The following IL1R1 variants were observed in gnomAD, a reference collection of about 807,000 sequenced individuals.
IL1R1 encodes the protein interleukin-1 receptor type 1.
IL1R1 carries 22 observed loss-of-function variants against 50.2 expected under a neutral mutation model. The ratio of observed to expected loss-of-function variants is 0.44; its 90% CI spans 0.31 to 0.63. The LOEUF is 0.63. IL1R1 is among the 20% of genes least tolerant of loss of function. IL1R1 has a pLI of 0.07. For missense variants in IL1R1, 509 were observed against 676.2 expected (o/e 0.75, Z 2.74); for synonymous variants, 251 against 236.7 (o/e 1.06, Z -0.55).
At chr2:102,095,659 G>C (rs1249239847) in intron 1 of IL1R1, among the ~76,000 whole-genome samples, 1 of 152,184 alleles carries the variant, frequency 6.6e-6, no homozygotes, top group Non-Finnish European at 1.5e-5. Context: ...CAGTGTTTCT[G>C]TAGTGTTAGC....
At position 102,176,615 on chromosome 2, in the gene IL1R1, A is replaced by T; in HGVS notation, c.1566A>T (p.Gly522=). Residue 522 remains glycine, a synonymous_variant, in exon 12 of 12, where the codon GGA becomes GGT. Transcript: ENST00000410023. The part of the protein sequence containing the change: ...AIRWSGDFTQ[G]PQSAKTRFWK... ...GCTGGTCAGGGGACTTTACACAGGG[A>T]CCACAGTCTGCAAAGACAAGGTTCT... is the stretch of plus-strand genomic sequence containing the variant. 1 of 1,614,210 alleles carries T rather than the reference A, an allele frequency of 6.2e-7. No homozygotes were observed. Among genetic ancestry groups the T allele is most frequent in the Non-Finnish European group, 8.5e-7 (1 of 1,180,028 alleles).
intron 4 of IL1R1, 24 bp from the exon 5 acceptor site, chr2:102,165,091 C>G (rs751311714): frequency 1.3e-6 from 2 of 1,545,710 alleles, no homozygotes; most frequent in African/African-American, 2.8e-5. Context: ...TAATGCTTAA[C>G]TTACCTATTT....
intron 1 of IL1R1, among the ~76,000 whole-genome samples, chr2:102,077,568 C>T (rs1363800565): frequency 1.3e-5 from 2 of 152,180 alleles, no homozygotes; most frequent in Admixed American, 6.5e-5. Flanking sequence ...TAAATGTTTT[C>T]ATGTCCTTGC....
intron 1 of IL1R1, chr2:102,104,930 T>C (rs1680319973): frequency 6.6e-6 from 1 of 152,190 alleles, no homozygotes; most frequent in Non-Finnish European, 1.5e-5. Context: ...CCCTCCTTTT[T>C]TTGGGTTTAC....
At chr2:102,101,705 A>G (rs1482675659), upstream of IL1R1, among the ~76,000 whole-genome samples, 1 of 152,248 alleles carries the variant, frequency 6.6e-6, no homozygotes, top group African/African-American at 2.4e-5. Flanking sequence ...CCTTTTATGT[A>G]TAAACACAGA....
intron 1 of IL1R1, among the ~76,000 whole-genome samples, chr2:102,082,564 T>C (rs747104451): frequency 4.6e-5 from 7 of 152,204 alleles, no homozygotes; most frequent in Admixed American, 2.0e-4. Flanking sequence ...GCACTTAACA[T>C]GAGGTAGGTG....
At chr2:102,081,042 G>A (rs569497293) in intron 1 of IL1R1, among the ~76,000 whole-genome samples, 1 of 152,240 alleles carries the variant, frequency 6.6e-6, no homozygotes, top group African/African-American at 2.4e-5. Context: ...TATATAGATT[G>A]CCAGGGGCTA....
chr2:102,104,603 C>T (rs1680298796), exon 1 of IL1R1: 2 of 151,940 alleles, frequency 1.3e-5, no homozygotes, highest in South Asian at 4.1e-4. Context: ...GTGACACAGC[C>T]ATCTCCAAAA....
chr2:102,132,513 C>T (rs1386074695), intron 1 of IL1R1, among the ~76,000 whole-genome samples: 1 of 152,072 alleles, frequency 6.6e-6, no homozygotes, highest in Non-Finnish European at 1.5e-5. Flanking sequence ...TGACCATAGC[C>T]TCCACCTTAA....
intron 10 of IL1R1, 82 bp from the exon 11 acceptor site, chr2:102,175,396 G>A (rs1686039247): frequency 2.9e-6 from 3 of 1,024,814 alleles, no homozygotes; most frequent in Non-Finnish European, 4.6e-6. Context: ...AGTTCATTAT[G>A]TAATGAATGT....
intron 3 of IL1R1, among the ~76,000 whole-genome samples, chr2:102,164,220 G>A (rs371860397): frequency 9.2e-5 from 14 of 152,132 alleles, no homozygotes; most frequent in African/African-American, 3.4e-4. Context: ...TAAGTACTTG[G>A]GTACTCTGCC....
Position 102,176,876 on chromosome 2 carries a change from C to T in IL1R1, c.*117C>T. 2 of 940,466 alleles carry T rather than the reference C, an allele frequency of 2.1e-6. No homozygotes were observed. Among genetic ancestry groups the T allele is most frequent in the East Asian group, 2.4e-5 (1 of 41,064 alleles). 58.3% of individuals were successfully genotyped at this position (940,466 alleles called of 1,614,324 possible). On this transcript the variant is annotated 3_prime_UTR_variant, in exon 12 of 12. Transcript: ENST00000410023. ...GAATGTAACTATATCATCCTTTATC[C>T]CTGAGGTCACCTGGAATCAGATTAT...
chr2:102,151,795 C>T (rs546543700), intron 1 of IL1R1, among the ~76,000 whole-genome samples: 12 of 152,292 alleles, frequency 7.9e-5, no homozygotes, highest in African/African-American at 2.9e-4. Context: ...TCAGAAGCTT[C>T]CAGGCTAGGA....
intron 1 of IL1R1, among the ~76,000 whole-genome samples, chr2:102,105,998 T>G (rs1680389775): frequency 6.6e-6 from 1 of 152,182 alleles, no homozygotes; most frequent in South Asian, 2.1e-4. Context: ...GGACTGAACC[T>G]GAAAGATTAA....
At chr2:102,072,417 A>G (rs914591230) in intron 1 of IL1R1, among the ~76,000 whole-genome samples, 1 of 152,232 alleles carries the variant, frequency 6.6e-6, no homozygotes, top group African/African-American at 2.4e-5. Flanking sequence ...AACAGATTTT[A>G]ATAGTTTACA....
At chr2:102,121,045 C>A (rs1681377683) in intron 1 of IL1R1, among the ~76,000 whole-genome samples, 1 of 152,182 alleles carries the variant, frequency 6.6e-6, no homozygotes, top group African/African-American at 2.4e-5. Context: ...TGTTAATCTG[C>A]ATCCTGCAGG....
intron 1 of IL1R1, among the ~76,000 whole-genome samples, chr2:102,082,328 G>T (rs1679247276): frequency 2.0e-5 from 3 of 151,994 alleles, no homozygotes; most frequent in Admixed American, 2.0e-4. Flanking sequence ...CATTTTGTTT[G>T]TTAGAAAAAC....
At position 102,176,676 on chromosome 2, in the gene IL1R1, C is replaced by T. The variant is rs371084247; in HGVS notation, c.1627C>T (p.Arg543Trp). The T allele has an allele frequency of 3.1e-5, 50 of 1,614,092 alleles. No individual in the cohort carries two copies. The highest frequency in any genetic ancestry group is 1.6e-4 in the Middle Eastern group (1 of 6,084). Reference sequence around the variant, plus strand: ...CAGGTACCACATGCCAGTCCAGCGACGGTCACCTTCATCTAAACACCAGTT... The same window carrying T: ...CAGGTACCACATGCCAGTCCAGCGATGGTCACCTTCATCTAAACACCAGTT... The part of the protein sequence containing the change: ...NVRYHMPVQR[R>W]SPSSKHQLLS... Residue 543 changes from arginine (R) to tryptophan (W), a missense_variant, in exon 12 of 12, where the codon CGG becomes TGG. Physicochemically the swap from Arg to Trp is moderately radical, Grantham distance 101. Coordinates refer to ENST00000410023, the MANE Select transcript of IL1R1 (RefSeq NM_000877.4).
intron 1 of IL1R1, among the ~76,000 whole-genome samples, chr2:102,076,604 A>T (rs1052069095): frequency 1.3e-5 from 2 of 152,108 alleles, no homozygotes; most frequent in African/African-American, 4.8e-5. Flanking sequence ...GTCTAGAATT[A>T]TTTCTTTTAG....
Sources: gnomAD v4.1 joint callset for allele counts (sites outside exome capture counted in the v4.1 genomes callset) on GRCh38, gnomAD v4.1.1 for gene constraint, MANE v1.5 for transcripts, NCBI Gene and HGNC (gene_info 2026-07-23, HGNC 2026-07-21) for gene names.